The following SEMA6D variants were observed in gnomAD, a reference collection of about 807,000 sequenced individuals.
SEMA6D encodes semaphorin-6D.
SEMA6D carries 35 observed loss-of-function variants against 106.6 expected under a neutral mutation model. The observed-to-expected ratio is 0.33, with a 90% CI of 0.25 to 0.44. SEMA6D has a LOEUF of 0.44. Among genes scored for constraint, SEMA6D ranks in the 20% least tolerant of loss-of-function variants. The pLI is 1.00. For synonymous variants in SEMA6D, 499 were observed against 487.7 expected, an observed-to-expected ratio of 1.02 and a Z score of -0.31; for missense variants, 1,185 against 1,345.9, an observed-to-expected ratio of 0.88 and a Z score of 1.87.
In SEMA6D at chr15:47,357,191, G is replaced by A. The variant is rs559513187; in HGVS notation, c.-238-55202G>A. On this transcript the variant is annotated intron_variant, in intron 1 of 19. Coordinates refer to the SEMA6D transcript ENST00000558014. ...CTACTAAAAATACAAAAAATTAGCC[G>A]GGCGAGGTGGCGGGCACCTGTAGTC... 2.6e-5 allele frequency among the ~76,000 whole-genome samples: 4 copies of A among 151,980 alleles called. 1 individual carries two copies. The East Asian group carries it at 5.8e-4, about 22-fold the overall frequency.
intron 1 of SEMA6D, among the ~76,000 whole-genome samples, chr15:47,287,467 T>G (rs1319339951): frequency 1.3e-5 from 2 of 152,210 alleles, no homozygotes; most frequent in Non-Finnish European, 2.9e-5. Flanking sequence ...TAACTCCAGC[T>G]GACTCCACCT....
intron 4 of SEMA6D, among the ~76,000 whole-genome samples, chr15:47,613,491 A>G (rs1439478459): frequency 6.6e-6 from 1 of 152,190 alleles, no homozygotes; most frequent in Non-Finnish European, 1.5e-5. Flanking sequence ...TACAAAAATT[A>G]CCAGGTAGTG....
chr15:47,642,388 CT>C (rs1298179945), intron 4 of SEMA6D, among the ~76,000 whole-genome samples: 1 of 152,020 alleles, frequency 6.6e-6, no homozygotes, highest in Non-Finnish European at 1.5e-5. Context: ...TTTTTTTTTA[CT>C]CAAAACCCAG....
At chr15:47,734,696 G>A (rs890378942) in intron 1 of SEMA6D, among the ~76,000 whole-genome samples, 4 of 152,112 alleles carry the variant, frequency 2.6e-5, no homozygotes, top group Non-Finnish European at 4.4e-5. Flanking sequence ...GAACATGGCT[G>A]GTAATCTTGA....
At chr15:47,344,227 TC>T (rs2037949461) in intron 1 of SEMA6D, among the ~76,000 whole-genome samples, 1 of 152,204 alleles carries the variant, frequency 6.6e-6, no homozygotes, top group South Asian at 2.1e-4. Flanking sequence ...GGAAATCTTA[TC>T]ACTACTGTGT....
chr15:47,211,257 C>T (rs1045890774), intron 1 of SEMA6D, among the ~76,000 whole-genome samples: 2 of 152,072 alleles, frequency 1.3e-5, no homozygotes, highest in South Asian at 2.1e-4. Flanking sequence ...TATACCTGGC[C>T]ATTTTCACAT....
intron 3 of SEMA6D, among the ~76,000 whole-genome samples, chr15:47,545,818 T>A (rs1043234586): frequency 1.3e-5 from 2 of 152,108 alleles, no homozygotes; most frequent in African/African-American, 4.8e-5. Flanking sequence ...CAGTTTAGAT[T>A]TTGTCTTCTG....
At chr15:47,373,275 TA>T (rs1296786139) in intron 1 of SEMA6D, among the ~76,000 whole-genome samples, 1 of 152,214 alleles carries the variant, frequency 6.6e-6, no homozygotes, top group Non-Finnish European at 1.5e-5. Flanking sequence ...AGTGGGATTT[TA>T]GTAGACAGGA....
intron 1 of SEMA6D, among the ~76,000 whole-genome samples, chr15:47,242,711 T>TATGCAGGATTGGAA (rs1374310845): frequency 6.6e-6 from 1 of 152,124 alleles, no homozygotes; most frequent in Non-Finnish European, 1.5e-5. Flanking sequence ...GGATTGGAAA[T>TATGCAGGATTGGAA]ATATTTCTTT....
intron 7 of SEMA6D, among the ~76,000 whole-genome samples, 186 bp from the exon 8 acceptor site, chr15:47,762,014 C>G (rs1032827695): frequency 6.6e-6 from 1 of 152,082 alleles, no homozygotes; most frequent in Non-Finnish European, 1.5e-5. Context: ...TGCCTAGATC[C>G]CTGTAAAATT....
intron 3 of SEMA6D, among the ~76,000 whole-genome samples, chr15:47,565,904 C>T (rs1003140974): frequency 6.6e-6 from 1 of 152,176 alleles, no homozygotes; most frequent in African/African-American, 2.4e-5. Flanking sequence ...TTCATCCTGT[C>T]ACTACTTAAT....
chr15:47,714,129 G>A (rs2079068545), upstream of SEMA6D, among the ~76,000 whole-genome samples: 1 of 152,150 alleles, frequency 6.6e-6, no homozygotes, highest in Admixed American at 6.5e-5. Flanking sequence ...CAAGTCACAA[G>A]TCTAGTGAGA....
chr15:47,455,661 C>G (rs1311365065), intron 2 of SEMA6D, among the ~76,000 whole-genome samples: 1 of 151,934 alleles, frequency 6.6e-6, no homozygotes, highest in African/African-American at 2.4e-5. Flanking sequence ...TCTTCATTGC[C>G]CTTCCACATT....
intron 2 of SEMA6D, among the ~76,000 whole-genome samples, chr15:47,465,079 A>G (rs2042619075): frequency 6.6e-6 from 1 of 152,136 alleles, no homozygotes; most frequent in South Asian, 2.1e-4. Flanking sequence ...CAGATACACA[A>G]CAACTAAATG....
At chr15:47,400,233 T>C (rs566937985) in intron 1 of SEMA6D, among the ~76,000 whole-genome samples, 1 of 152,276 alleles carries the variant, frequency 6.6e-6, no homozygotes, top group African/African-American at 2.4e-5. Context: ...CTTATGCCTG[T>C]AATCCCAGCA....
intron 1 of SEMA6D, among the ~76,000 whole-genome samples, chr15:47,283,247 A>G (rs990689476): frequency 2.6e-5 from 4 of 152,150 alleles, no homozygotes. Flanking sequence ...CACACCAGGC[A>G]CAATCAGCAG....
intron 3 of SEMA6D, among the ~76,000 whole-genome samples, chr15:47,552,082 T>C (rs1221089823): frequency 2.0e-5 from 3 of 152,004 alleles, no homozygotes. Context: ...CACAGCGCTA[T>C]GTACAATAGT....
chr15:47,375,965 T>A (rs1010942479), intron 1 of SEMA6D, among the ~76,000 whole-genome samples: 2 of 152,262 alleles, frequency 1.3e-5, no homozygotes, highest in Non-Finnish European at 2.9e-5. Flanking sequence ...TCACATTGCC[T>A]GTTCCCAGCT....
chr15:47,765,050 A>G lies in SEMA6D; in HGVS notation c.1421A>G (p.His474Arg), dbSNP rs1341406750. ...VLLEEIEAYN[H>R]AKCSAENEED... is the part of the protein sequence containing the mutation. ...CTGGAAGAGATTGAAGCCTACAACC[A>G]TGCAAAGTAGGTATATGTTACGAGA... Residue 474 changes from histidine to arginine, a missense_variant, in exon 13 of 19, where the codon CAT becomes CGT. Transcript: ENST00000536845. The G allele has an allele frequency of 1.4e-5, 23 of 1,613,588 alleles. No homozygotes were observed. Among genetic ancestry groups the G allele is most frequent in the Middle Eastern group, 1.6e-4 (1 of 6,074 alleles).
Sources: allele counts gnomAD v4.1 joint callset (sites outside exome capture counted in the v4.1 genomes callset), GRCh38; gene constraint gnomAD v4.1.1; transcripts MANE v1.5; gene names NCBI Gene and HGNC (gene_info 2026-07-23, HGNC 2026-07-21).